The following GRIK1 variants were observed in gnomAD, a reference collection of about 807,000 sequenced individuals.
GRIK1 encodes glutamate receptor ionotropic, kainate 1.
Under a neutral mutation model 105.7 loss-of-function variants are expected in GRIK1, and 69 were observed. The ratio of observed to expected loss-of-function variants is 0.65; its 90% confidence interval spans 0.54 to 0.80. The LOEUF (loss-of-function observed/expected upper bound fraction) is 0.80, where lower values mean the gene tolerates loss of function less well. Ranked by LOEUF, GRIK1 falls within the 30% of genes least tolerant of loss-of-function variation. The probability of loss-of-function intolerance (pLI) is 0.00; values close to 1 mark genes in which losing one functional copy is unlikely to be tolerated. For synonymous variants in GRIK1, 438 were observed against 431.3 expected (o/e 1.02, Z -0.19); for missense variants, 1,109 against 1,167.3 (o/e 0.95, Z 0.73).
intron 1 of GRIK1, among the ~76,000 whole-genome samples, chr21:29,834,567 A>T (rs1279065764): frequency 6.6e-6 from 1 of 150,800 alleles, no homozygotes; most frequent in Non-Finnish European, 1.5e-5. Context: ...GATAAAGAGC[A>T]TGGGCCTTGA....
chr21:29,541,573 G>GTT (rs1202014711), intron 16 of GRIK1, among the ~76,000 whole-genome samples: 1 of 83,742 alleles, frequency 1.2e-5, no homozygotes, highest in African/African-American at 7.3e-5. Flanking sequence ...TGCACTCACG[G>GTT]TCTTTTTTTT....
chr21:29,781,861 G>C (rs1253823057), intron 1 of GRIK1, among the ~76,000 whole-genome samples: 2 of 145,034 alleles, frequency 1.4e-5, no homozygotes, highest in Non-Finnish European at 3.0e-5. Flanking sequence ...TAGTAGAGAC[G>C]GGGTTTCACC....
chr21:29,579,963 GTGTATA>G (rs1304325642), intron 13 of GRIK1, among the ~76,000 whole-genome samples: 5 of 122,914 alleles, frequency 4.1e-5, no homozygotes, highest in African/African-American at 1.9e-4. Context: ...ATATGTGTGT[GTGTATA>G]TATATATATA....
At chr21:29,701,304 A>C (rs975020083) in intron 1 of GRIK1, among the ~76,000 whole-genome samples, 1 of 152,208 alleles carries the variant, frequency 6.6e-6, no homozygotes, top group African/African-American at 2.4e-5. Flanking sequence ...AGAGGTGAGA[A>C]AAGTGCTTAC....
chr21:29,600,558 C>T (rs2061499642), intron 7 of GRIK1, among the ~76,000 whole-genome samples: 1 of 152,156 alleles, frequency 6.6e-6, no homozygotes. Flanking sequence ...ATTCATTAGA[C>T]ATGCATAAAA....
chr21:29,673,121 A>T lies in GRIK1; in HGVS notation c.588T>A (p.Tyr196Ter), dbSNP rs1397749592. ...LQELIKAPSR[Y>*]NIKIKIRQLP... Reference sequence around the variant, plus strand: ...GCTGGCGGATTTTGATTTTAATATTATATCTGGAGGGAGCTTTGATGAGCT... The same window carrying T: ...GCTGGCGGATTTTGATTTTAATATTTTATCTGGAGGGAGCTTTGATGAGCT... The change falls in exon 4 of 18, where the codon TAT becomes TAA. Residue 196 changes from tyrosine (Y) to a stop codon, truncating the protein, a stop_gained. Transcript: ENST00000327783. LOFTEE classifies it high-confidence loss of function. 6.2e-7 allele frequency: 1 copy of T among 1,612,682 alleles called. No individual in the cohort carries two copies. Among genetic ancestry groups the T allele is most frequent in the South Asian group, 1.1e-5 (1 of 91,034 alleles).
In GRIK1 at chr21:29,577,144, T is replaced by C; in HGVS notation, c.1950A>G (p.Ile650Met). The C allele has an allele frequency of 1.2e-6, 2 of 1,611,654 alleles. No individual in the cohort carries two copies. Among genetic ancestry groups the C allele is most frequent in the South Asian group, 1.1e-5 (1 of 91,034 alleles). The part of the protein sequence containing the change: ...ELMPKALSTR[I>M]VGGIWWFFTL... ...TGAAAAACCACCATATCCCTCCAACTATTCTGGTCGATAGAGCTTTGGGCA... is the reference window on the plus strand; with the variant it reads ...TGAAAAACCACCATATCCCTCCAACCATTCTGGTCGATAGAGCTTTGGGCA... Residue 650 changes from isoleucine (I) to methionine (M), a missense_variant, in exon 14 of 18, where the codon ATA (isoleucine) becomes ATG (methionine). Transcript: ENST00000327783.
At position 29,901,728 on chromosome 21, in the gene GRIK1, T is replaced by C. The variant is rs182972492; in HGVS notation, c.118+37655A>G. ...TTCTACCAGAAGTTCAAAGAGGAGCTGGTACCATTCCTTCTGAAACTATTC... is the reference window on the plus strand; with the variant it reads ...TTCTACCAGAAGTTCAAAGAGGAGCCGGTACCATTCCTTCTGAAACTATTC... On this transcript the variant is annotated intron_variant, in intron 1 of 17. Transcript: ENST00000327783. 3.5e-3 allele frequency among the ~76,000 whole-genome samples: 537 copies of C among 152,262 alleles called. 5 individuals carry two copies. Among genetic ancestry groups the C allele is most frequent in the African/African-American group, 0.012 (516 of 41,538 alleles).
intron 10 of GRIK1, among the ~76,000 whole-genome samples, chr21:29,590,386 A>T (rs929163866): frequency 1.4e-4 from 21 of 152,154 alleles, no homozygotes; most frequent in Admixed American, 6.5e-4. Flanking sequence ...CTCCCTGGAG[A>T]AAGGAAAAAG....
intron 1 of GRIK1, among the ~76,000 whole-genome samples, chr21:29,877,607 A>T (rs1466613784): frequency 1.3e-5 from 2 of 152,216 alleles, no homozygotes; most frequent in African/African-American, 4.8e-5. Context: ...GCAATGAATC[A>T]TACTGGAAAC....
intron 1 of GRIK1, among the ~76,000 whole-genome samples, chr21:29,828,988 A>T (rs1428837630): frequency 6.6e-6 from 1 of 152,146 alleles, no homozygotes; most frequent in Non-Finnish European, 1.5e-5. Context: ...TAATAGTCTT[A>T]AAAATCTGGT....
intron 1 of GRIK1, among the ~76,000 whole-genome samples, chr21:29,764,420 T>C (rs1569065079): frequency 6.6e-6 from 1 of 152,198 alleles, no homozygotes; most frequent in Non-Finnish European, 1.5e-5. Context: ...CAGAGTTAAT[T>C]AGTGTTAGTT....
intron 1 of GRIK1, among the ~76,000 whole-genome samples, chr21:29,869,029 A>T (rs948667828): frequency 3.3e-5 from 5 of 152,214 alleles, no homozygotes; most frequent in Non-Finnish European, 7.4e-5. Flanking sequence ...AGTTTTCATC[A>T]CCTGTGTGGG....
chr21:29,938,533 G>C (rs894200454), intron 1 of GRIK1, among the ~76,000 whole-genome samples: 2 of 152,170 alleles, frequency 1.3e-5, no homozygotes, highest in Admixed American at 1.3e-4. Context: ...TACACTTATG[G>C]CTGTCAGTCC....
At chr21:29,616,204 C>G (rs1350641662) in intron 7 of GRIK1, among the ~76,000 whole-genome samples, 5 of 152,146 alleles carry the variant, frequency 3.3e-5, no homozygotes, top group Admixed American at 1.3e-4. Context: ...ACAAAGTCTC[C>G]TTTTTGGCCT....
At chr21:29,583,093 C>T (rs1271869997) in intron 12 of GRIK1, among the ~76,000 whole-genome samples, 2 of 152,090 alleles carry the variant, frequency 1.3e-5, no homozygotes, top group Admixed American at 6.6e-5. Context: ...ATAACAGTCT[C>T]GTAGTTTATG....
intron 1 of GRIK1, among the ~76,000 whole-genome samples, chr21:29,772,839 T>C (rs78927935): frequency 0.031 from 4,782 of 152,334 alleles, 123 homozygotes; most frequent in Middle Eastern, 0.071. Context: ...ATGATAAATA[T>C]CATGTTTCAG....
At chr21:29,615,574 G>T (rs1318221808) in intron 7 of GRIK1, among the ~76,000 whole-genome samples, 3 of 152,136 alleles carry the variant, frequency 2.0e-5, no homozygotes, top group Admixed American at 6.5e-5. Flanking sequence ...CTCCCAAAGT[G>T]CTGGGATTAC....
chr21:29,568,325 A>C (rs2090658735), intron 14 of GRIK1, among the ~76,000 whole-genome samples: 1 of 152,198 alleles, frequency 6.6e-6, no homozygotes, highest in Non-Finnish European at 1.5e-5. Flanking sequence ...CTGCTTCCTG[A>C]AATGGTTATA....
Sources: gnomAD v4.1 joint callset for allele counts (sites outside exome capture counted in the v4.1 genomes callset) on GRCh38, gnomAD v4.1.1 for gene constraint, MANE v1.5 for transcripts, NCBI Gene and HGNC (gene_info 2026-07-23, HGNC 2026-07-21) for gene names.